Variants in AFG2A observed in about 807,000 individuals in gnomAD.
AFG2A encodes the protein AAA ATPase AFG2A, also known as ATPase family gene 2 protein homolog A.
chr4:122,978,620 T>G, the AFG2A span, among the ~76,000 whole-genome samples: 1 of 152,188 alleles, frequency 6.6e-6, no homozygotes, highest in Non-Finnish European at 1.5e-5. Flanking sequence ...CCCAGGAGCC[T>G]CTCTGCCTCC....
At chr4:123,018,800 A>ATTT in the AFG2A span, among the ~76,000 whole-genome samples, 1 of 140,774 alleles carries the variant, frequency 7.1e-6, no homozygotes. Flanking sequence ...CGCCCAGCTA[A>ATTT]TTTTTTTTTT....
the AFG2A span, among the ~76,000 whole-genome samples, chr4:122,949,327 A>G: frequency 6.6e-6 from 1 of 152,262 alleles, no homozygotes; most frequent in East Asian, 1.9e-4. Flanking sequence ...TACCAGGCGG[A>G]AAATATGCCA....
At chr4:123,162,327 C>T in the AFG2A span, among the ~76,000 whole-genome samples, 1 of 152,272 alleles carries the variant, frequency 6.6e-6, no homozygotes, top group South Asian at 2.1e-4. Context: ...TATAACAGAA[C>T]CATCTAATTT....
the AFG2A span, among the ~76,000 whole-genome samples, chr4:123,311,655 A>G: frequency 8.7e-3 from 1,271 of 145,494 alleles, 9 homozygotes; most frequent in Middle Eastern, 0.045. Context: ...AAAAAAAAAA[A>G]AGAGAGAGAA....
At chr4:123,093,299 T>TACGCCC in the AFG2A span, among the ~76,000 whole-genome samples, 1 of 152,042 alleles carries the variant, frequency 6.6e-6, no homozygotes, top group Middle Eastern at 3.4e-3. Context: ...TATACTCACT[T>TACGCCC]ATGCCCACTT....
At chr4:123,236,791 C>T in the AFG2A span, among the ~76,000 whole-genome samples, 4 of 152,194 alleles carry the variant, frequency 2.6e-5, no homozygotes, top group Admixed American at 2.0e-4. Context: ...ATTAAACATG[C>T]AGGGTCTGAC....
the AFG2A span, among the ~76,000 whole-genome samples, chr4:123,106,706 CT>C: frequency 6.6e-6 from 1 of 152,192 alleles, no homozygotes; most frequent in African/African-American, 2.4e-5. Context: ...AAGAAGGGGA[CT>C]TGGAGTGTTG....
chr4:123,107,907 A>G, the AFG2A span, among the ~76,000 whole-genome samples: 3 of 152,178 alleles, frequency 2.0e-5, no homozygotes, highest in African/African-American at 7.2e-5. Flanking sequence ...CTGCGCCACA[A>G]TCGGAGTGGC....
chr4:123,138,742 A>G, the AFG2A span, among the ~76,000 whole-genome samples: 1 of 152,058 alleles, frequency 6.6e-6, no homozygotes, highest in African/African-American at 2.4e-5. Flanking sequence ...TTAAGGTAAT[A>G]TTTGGTATTT....
the AFG2A span, among the ~76,000 whole-genome samples, chr4:123,313,457 G>T: frequency 6.6e-6 from 1 of 152,224 alleles, no homozygotes; most frequent in East Asian, 1.9e-4. Flanking sequence ...TGATGAGCAA[G>T]GCCTCACTCT....
the AFG2A span, among the ~76,000 whole-genome samples, chr4:123,166,332 C>T: frequency 1.3e-5 from 2 of 152,190 alleles, no homozygotes; most frequent in African/African-American, 2.4e-5. Flanking sequence ...ATCTTTCTCT[C>T]GTGCTTTATG....
the AFG2A span, among the ~76,000 whole-genome samples, chr4:123,049,247 A>T: frequency 6.6e-6 from 1 of 152,132 alleles, no homozygotes; most frequent in Admixed American, 6.5e-5. Context: ...TTAATGTATT[A>T]TTGAGTTTGG....
At chr4:123,242,932 C>T in the AFG2A span, among the ~76,000 whole-genome samples, 1 of 152,096 alleles carries the variant, frequency 6.6e-6, no homozygotes, top group Non-Finnish European at 1.5e-5. Flanking sequence ...AAAAAGTGGG[C>T]AAAAGGTATG....
the AFG2A span, among the ~76,000 whole-genome samples, chr4:123,287,758 CA>C: frequency 1.3e-5 from 2 of 151,872 alleles, no homozygotes; most frequent in African/African-American, 4.8e-5. Flanking sequence ...TAGTATGTGG[CA>C]ATAAGAGAGA....
At chr4:123,168,462 T>C in the AFG2A span, among the ~76,000 whole-genome samples, 1 of 152,258 alleles carries the variant, frequency 6.6e-6, no homozygotes, top group African/African-American at 2.4e-5. Flanking sequence ...ATTTTTTATG[T>C]TTGCAAACCA....
At chr4:123,181,576 C>T in the AFG2A span, among the ~76,000 whole-genome samples, 1 of 151,986 alleles carries the variant, frequency 6.6e-6, no homozygotes. Context: ...GCACTTCATC[C>T]TGGGTGGCAG....
the AFG2A span, chr4:123,028,346 T>C: frequency 6.2e-7 from 1 of 1,614,132 alleles, no homozygotes; most frequent in Non-Finnish European, 8.5e-7. Flanking sequence ...AAAACAATGA[T>C]AGCAAAGGCT....
chr4:123,225,808 G>A, the AFG2A span, among the ~76,000 whole-genome samples: 1 of 152,138 alleles, frequency 6.6e-6, no homozygotes, highest in Non-Finnish European at 1.5e-5. Context: ...GGGCAGTGTG[G>A]CCATTTTCAC....
At chr4:123,171,712 A>G in the AFG2A span, among the ~76,000 whole-genome samples, 3 of 152,166 alleles carry the variant, frequency 2.0e-5, no homozygotes, top group Non-Finnish European at 4.4e-5. Context: ...GCATGTAGAA[A>G]GCTCTCAATA....
Sources: allele counts gnomAD v4.1 joint callset (sites outside exome capture counted in the v4.1 genomes callset), GRCh38; gene constraint gnomAD v4.1.1; transcripts MANE v1.5; gene names NCBI Gene and HGNC (gene_info 2026-07-23, HGNC 2026-07-21).